SAMD11: variants seen among roughly 807,000 people sequenced by gnomAD.
SAMD11 encodes sterile alpha motif domain containing 11.
A neutral mutation model predicts 64.4 loss-of-function variants in SAMD11; 77 were observed. The ratio of observed to expected loss-of-function variants is 1.20; its 90% confidence interval spans 0.99 to 1.44. The LOEUF (loss-of-function observed/expected upper bound fraction) is 1.44, where lower values mean the gene tolerates loss of function less well. Among genes scored for constraint, SAMD11 ranks in the 40% most tolerant of loss-of-function variants. The pLI is 0.00. For missense variants in SAMD11, 1,402 were observed against 943.3 expected, an observed-to-expected ratio of 1.49 and a Z score of -6.37; for synonymous variants, 658 against 421.9, an observed-to-expected ratio of 1.56 and a Z score of -6.86.
intron 5 of SAMD11, 59 bp from the exon 6 acceptor site, chr1:938,981 G>T: frequency 2.1e-6 from 3 of 1,452,428 alleles, no homozygotes; most frequent in Non-Finnish European, 2.8e-6. Flanking sequence ...GCTGGAGCAG[G>T]GGCTGGGTTC....
At chr1:931,124 C>A in intron 4 of SAMD11, 35 bp downstream of exon 4, 2 of 1,570,440 alleles carry the variant, frequency 1.3e-6, no homozygotes, top group Non-Finnish European at 1.7e-6. Context: ...AAGAGGGGGC[C>A]GTGACTCCCC....
chr1:934,021 G>GCGTTACAGGTGGGCGGGGGAGGCTGCTC (rs1641294789), intron 4 of SAMD11, among the ~76,000 whole-genome samples: 2 of 56,788 alleles, frequency 3.5e-5, no homozygotes, highest in African/African-American at 2.1e-4. Flanking sequence ...GGAGGCGGCT[G>GCGTTACAGGTGGGCGGGGGAGGCTGCTC]CGTTACAGGT....
At chr1:943,875 T>C in intron 13 of SAMD11, 33 bp from the exon 14 acceptor site, 2 of 1,612,864 alleles carry the variant, frequency 1.2e-6, no homozygotes, top group Non-Finnish European at 1.7e-6. Context: ...TGGGTGGGTG[T>C]GCGACAGCCC....
intron 4 of SAMD11, among the ~76,000 whole-genome samples, chr1:935,102 T>C (rs1222020859): frequency 6.6e-6 from 1 of 152,034 alleles, no homozygotes; most frequent in Non-Finnish European, 1.5e-5. Flanking sequence ...TCTGGGACTC[T>C]GTGGATGTGG....
At position 927,400 on chromosome 1, in the gene SAMD11, C is replaced by T. The variant is rs573964634; in HGVS notation, c.609+1387C>T. 2.5e-3 allele frequency among the ~76,000 whole-genome samples: 386 copies of T among 152,268 alleles called. 2 individuals are homozygous for T. Among genetic ancestry groups the T allele is most frequent in the African/African-American group, 9.0e-3 (375 of 41,548 alleles). ...CGTCAGTCTCTTCCGACAGTGCTTC[C>T]GTGAGCATCTCCTCCCCACCCCGTG... On this transcript the variant is annotated intron_variant, in intron 2 of 13. Coordinates refer to ENST00000616016, the MANE Select transcript of SAMD11 (RefSeq NM_001385641.1).
chr1:928,041 C>T (rs1640976363), intron 2 of SAMD11, among the ~76,000 whole-genome samples: 1 of 152,254 alleles, frequency 6.6e-6, no homozygotes, highest in South Asian at 2.1e-4. Context: ...GCTTCCCTCT[C>T]TTCCCCATCC....
chr1:939,302 G>A lies in SAMD11; in HGVS notation c.1085G>A (p.Gly362Glu), dbSNP rs781300557. 6.2e-7 allele frequency: 1 copy of A among 1,609,942 alleles called. No homozygotes were observed. Among genetic ancestry groups the A allele is most frequent in the Non-Finnish European group, 8.5e-7 (1 of 1,178,860 alleles). ...QEALLLPREL[G>E]PSMAPEDHYR... ...GCGCTGCTGCTGCCGCGGGAGCTGG[G>A]GCCCAGCATGGCCCCGGAGGACCAT... The change falls in exon 7 of 14, where the codon GGG becomes GAG. Residue 362 changes from glycine (G) to glutamate (E), a missense_variant. Gly to Glu is a moderately conservative substitution (Grantham distance 98). Transcript: ENST00000616016.
intron 5 of SAMD11, among the ~76,000 whole-genome samples, chr1:937,798 G>A (rs921990077): frequency 1.3e-5 from 2 of 152,252 alleles, no homozygotes; most frequent in African/African-American, 4.8e-5. Context: ...GGGCCTGACA[G>A]CAGCCGGGCC....
chr1:935,149 G>A (rs1022740711), intron 4 of SAMD11, among the ~76,000 whole-genome samples: 1 of 152,138 alleles, frequency 6.6e-6, no homozygotes, highest in African/African-American at 2.4e-5. Flanking sequence ...AGAAATGAGG[G>A]AAGAAAAGAG....
At chr1:943,568 ACACT>A (rs1452482981) in intron 12 of SAMD11, 126 bp from the exon 13 acceptor site, 70 of 930,470 alleles carry the variant, frequency 7.5e-5, no homozygotes, top group Non-Finnish European at 9.6e-5. Flanking sequence ...TTTCTGCCTG[ACACT>A]CAAACCCAAC....
chr1:943,196 A>G, intron 11 of SAMD11, 57 bp from the exon 12 acceptor site: 4 of 1,609,392 alleles, frequency 2.5e-6, no homozygotes, highest in Non-Finnish European at 3.4e-6. Flanking sequence ...GACGGTCAGG[A>G]GACGGGCGGG....
chr1:926,096 G>T, intron 2 of SAMD11, 83 bp downstream of exon 2: 2 of 1,358,860 alleles, frequency 1.5e-6, no homozygotes, highest in South Asian at 1.2e-5. Flanking sequence ...TTTCAGGATC[G>T]AGAGTCCTAA....
At chr1:927,498 A>C (rs1640950661) in intron 2 of SAMD11, among the ~76,000 whole-genome samples, 1 of 152,108 alleles carries the variant, frequency 6.6e-6, no homozygotes, top group Non-Finnish European at 1.5e-5. Context: ...GCTCAGATCC[A>C]GGCCTGCCTC....
In SAMD11 at chr1:942,148, GC is replaced by G; in HGVS notation, c.1373del (p.Pro458ArgfsTer106). On this transcript the variant is annotated frameshift_variant, in exon 9 of 14. Transcript: ENST00000616016. LOFTEE classifies it high-confidence loss of function. ...PSFSERELPQ[P>X]PPLLSPQNAP... ...CTGCCGTCCACAGGGAGCTGCCTCA[GC>G]CGCCCCCCTTGCTGTCGCCGCAGAA... 1 of 1,375,106 alleles carries G rather than the reference GC, an allele frequency of 7.3e-7. No individual in the cohort carries two copies. Among genetic ancestry groups the G allele is most frequent in the Non-Finnish European group, 9.7e-7 (1 of 1,033,052 alleles). The allele number at this position is 1,375,106 out of a possible 1,614,324, so 85.2% of individuals were successfully genotyped here. A position where few individuals can be genotyped will look rare whatever the true frequency, so the allele number is the denominator to read the frequency against.
In SAMD11 at chr1:939,278, C is replaced by A; in HGVS notation, c.1061C>A (p.Ala354Glu). 1.9e-6 allele frequency: 3 copies of A among 1,598,566 alleles called. No homozygotes were observed. The East Asian group carries it at 6.8e-5, about 36-fold the overall frequency. ...KRARSESPQE[A>E]LLLPRELGPS... ...CACCCCGGGTCCTCCCCAGCAGAGG[C>A]GCTGCTGCTGCCGCGGGAGCTGGGG... The change falls in exon 7 of 14, where the codon GCG becomes GAG. Residue 354 changes from alanine (A) to glutamate (E), a missense_variant. Ala to Glu is a moderately radical substitution (Grantham distance 107). Coordinates refer to ENST00000616016, the MANE Select transcript of SAMD11 (RefSeq NM_001385641.1).
chr1:931,721 C>T (rs1405902228), intron 4 of SAMD11, among the ~76,000 whole-genome samples: 1 of 152,232 alleles, frequency 6.6e-6, no homozygotes, highest in Non-Finnish European at 1.5e-5. Flanking sequence ...CTCTGGAGGC[C>T]TTCCTGGCAG....
Position 943,375 on chromosome 1 carries a change from C to G in SAMD11, c.2176C>G (p.Arg726Gly). The G allele has an allele frequency of 1.3e-6, 2 of 1,548,988 alleles. No homozygotes were observed. The change falls in exon 12 of 14, where the codon CGG becomes GGG. Residue 726 changes from arginine to glycine, a missense_variant and splice_region_variant. Arg to Gly is a moderately radical substitution (Grantham distance 125). Coordinates refer to ENST00000616016, the MANE Select transcript of SAMD11 (RefSeq NM_001385641.1). ...GGLSGCGEYT[R>G]VFREQGIDGE... The stretch of plus-strand genomic sequence containing the variant: ...CCTGTCTGGCTGTGGAGAGTACACT[C>G]GGGTAAGGGGGGGCCCCAGTTCCTG...
intron 11 of SAMD11, 81 bp from the exon 12 acceptor site, chr1:943,172 C>T (rs1160988392): frequency 3.7e-6 from 6 of 1,600,506 alleles, no homozygotes; most frequent in Admixed American, 1.7e-5. Context: ...CCCACCTCAG[C>T]AATTGGGGCA....
At chr1:932,740 C>T (rs966833525) in intron 4 of SAMD11, among the ~76,000 whole-genome samples, 20 of 152,260 alleles carry the variant, frequency 1.3e-4, no homozygotes, top group African/African-American at 4.1e-4. Context: ...TCCGTCTGTC[C>T]TTCCATCCCC....
Sources: gnomAD v4.1 joint callset for allele counts (sites outside exome capture counted in the v4.1 genomes callset) on GRCh38, gnomAD v4.1.1 for gene constraint, MANE v1.5 for transcripts, NCBI Gene and HGNC (gene_info 2026-07-23, HGNC 2026-07-21) for gene names.